The following ENKUR variants were observed in gnomAD, a reference collection of about 807,000 sequenced individuals.
The protein encoded by ENKUR is enkurin.
Under a neutral mutation model 27.6 loss-of-function variants are expected in ENKUR, and 19 were observed. That is an observed-to-expected ratio of 0.69 (90% CI 0.48 to 1.01). The LOEUF is 1.01. Ranked by LOEUF, ENKUR falls within the 50% of genes least tolerant of loss-of-function variation. ENKUR has a pLI of 0.00. For synonymous variants in ENKUR, 117 were observed against 96.9 expected (o/e 1.21, Z -1.22); for missense variants, 312 against 310.5 (o/e 1.00, Z -0.04).
intron 2 of ENKUR, among the ~76,000 whole-genome samples, chr10:25,051,687 G>A (rs771648945): frequency 9.8e-5 from 15 of 152,320 alleles, no homozygotes; most frequent in African/African-American, 2.9e-4. Flanking sequence ...ACAAGGCTCC[G>A]CCTCCGGTAC....
At chr10:25,060,677 G>C (rs767791674) in intron 2 of ENKUR, among the ~76,000 whole-genome samples, 6 of 152,082 alleles carry the variant, frequency 3.9e-5, no homozygotes, top group Non-Finnish European at 7.4e-5. Flanking sequence ...CCCCACCCAA[G>C]CAGTGCTAGG....
At chr10:25,010,370 G>C (rs1431197374) in intron 1 of ENKUR, among the ~76,000 whole-genome samples, 1 of 152,148 alleles carries the variant, frequency 6.6e-6, no homozygotes, top group Non-Finnish European at 1.5e-5. Context: ...CATTCAAGAG[G>C]TGACTTGAGT....
chr10:25,020,759 A>T (rs906735779), upstream of ENKUR, among the ~76,000 whole-genome samples: 2 of 151,520 alleles, frequency 1.3e-5, no homozygotes, highest in Non-Finnish European at 2.9e-5. Flanking sequence ...AAAAAAAATT[A>T]CTGCTCATGA....
chr10:25,025,366 C>G, intron 2 of ENKUR: 1 of 1,614,148 alleles, frequency 6.2e-7, no homozygotes. Flanking sequence ...AACAAAACAG[C>G]AAGAGAAGAT....
chr10:25,009,766 A>G (rs1850397735), intron 1 of ENKUR, among the ~76,000 whole-genome samples: 2 of 152,154 alleles, frequency 1.3e-5, no homozygotes, highest in African/African-American at 4.8e-5. Context: ...AATAAGTCAC[A>G]TAAGATCTGA....
At chr10:24,997,141 G>C (rs1393713954) in intron 2 of ENKUR, among the ~76,000 whole-genome samples, 1 of 152,162 alleles carries the variant, frequency 6.6e-6, no homozygotes, top group Non-Finnish European at 1.5e-5. Flanking sequence ...TTGAAGCCAG[G>C]AGTGTGAGGC....
At chr10:25,016,819 A>T (rs1308281410), upstream of ENKUR, 1 of 152,488 alleles carries the variant, frequency 6.6e-6, no homozygotes. Flanking sequence ...AGGAAGGAAA[A>T]CTAGAAGCCA....
Position 24,988,710 on chromosome 10 carries a change from A to ATG in ENKUR, c.594+1752_594+1753insCA, listed in dbSNP as rs1327713586. Reference sequence around the variant, plus strand: ...TATATATATATATATATATATATATATATATATATATATATATTCCTCATT... The same window carrying ATG: ...TATATATATATATATATATATATATATGTATATATATATATATATTCCTCATT... On this transcript the variant is annotated intron_variant, in intron 4 of 5. Coordinates refer to ENST00000331161, the MANE Select transcript of ENKUR (RefSeq NM_145010.4). Among the ~76,000 whole-genome samples the ATG allele has an allele frequency of 2.3e-3, 48 of 20,664 alleles. 1 individual carries two copies. The highest frequency in any genetic ancestry group is 0.01 in the African/African-American group (45 of 4,302). 13.6% of individuals were successfully genotyped at this position (20,664 alleles called of 152,430 possible).
At chr10:24,993,667 A>G (rs1849976553) in intron 3 of ENKUR, among the ~76,000 whole-genome samples, 1 of 152,256 alleles carries the variant, frequency 6.6e-6, no homozygotes. Context: ...AAGTAAATTG[A>G]GTAAGTCTTT....
exon 2 of ENKUR, chr10:25,061,150 C>T: frequency 6.5e-7 from 1 of 1,536,082 alleles, no homozygotes; most frequent in Non-Finnish European, 8.7e-7. Flanking sequence ...TGTCTTCATG[C>T]TCCGTGGTGA....
At chr10:25,023,150 TTTTG>T in intron 2 of ENKUR, 2 of 1,438,862 alleles carry the variant, frequency 1.4e-6, no homozygotes, top group East Asian at 4.6e-5. Context: ...TTTTGTTGTT[TTTTG>T]TTTGTTTTGT....
intron 2 of ENKUR, among the ~76,000 whole-genome samples, chr10:25,044,915 ATT>A (rs1242346469): frequency 6.6e-6 from 1 of 152,072 alleles, no homozygotes; most frequent in Non-Finnish European, 1.5e-5. Flanking sequence ...CCTTTATGGA[ATT>A]TCTCTCCTCA....
chr10:25,016,678 G>A (rs1850587726), upstream of ENKUR: 1 of 152,360 alleles, frequency 6.6e-6, no homozygotes, highest in Admixed American at 6.5e-5. Flanking sequence ...GGCGGGACCG[G>A]GGAGCTAGCT....
chr10:25,011,310 C>A (rs1389476394), intron 1 of ENKUR, among the ~76,000 whole-genome samples: 5 of 151,872 alleles, frequency 3.3e-5, no homozygotes, highest in East Asian at 3.9e-4. Flanking sequence ...TTTTCTTGTA[C>A]ATTTGTTTGA....
At chr10:25,040,250 G>A (rs901592096) in intron 2 of ENKUR, among the ~76,000 whole-genome samples, 8 of 152,090 alleles carry the variant, frequency 5.3e-5, no homozygotes, top group Non-Finnish European at 1.0e-4. Flanking sequence ...AAGGTGTGGG[G>A]AAACAGATTT....
rs943381553 is a variant in ENKUR at position 24,984,472 on chromosome 10, T to C, written c.765-96A>G. The stretch of plus-strand genomic sequence containing the variant: ...TTTATGTGAAACAAGTACATAATAA[T>C]AATGAATTACATTGTGGAACTGGAA... On this transcript the variant is annotated intron_variant, in intron 5 of 5. Coordinates refer to ENST00000331161, the MANE Select transcript of ENKUR (RefSeq NM_145010.4). 1.4e-5 allele frequency: 19 copies of C among 1,372,200 alleles called. No individual in the cohort carries two copies. In the East Asian group the frequency reaches 4.1e-4, roughly 30 times the overall value. The allele number at this position is 1,372,200 out of a possible 1,614,324, so 85.0% of individuals were successfully genotyped here.
intron 1 of ENKUR, among the ~76,000 whole-genome samples, chr10:25,011,570 A>G (rs1850444704): frequency 6.6e-6 from 1 of 152,202 alleles, no homozygotes. Context: ...TACACCTTAT[A>G]CAAAAATTAA....
chr10:25,014,074 C>G (rs1314928540), intron 1 of ENKUR, among the ~76,000 whole-genome samples: 1 of 152,152 alleles, frequency 6.6e-6, no homozygotes, highest in East Asian at 1.9e-4. Context: ...GCTTTCATAA[C>G]TTAAGTCTCA....
intron 2 of ENKUR, among the ~76,000 whole-genome samples, chr10:25,059,680 G>A (rs949909815): frequency 4.6e-5 from 7 of 152,188 alleles, no homozygotes; most frequent in Non-Finnish European, 1.0e-4. Context: ...TTAGGGCCAG[G>A]CATGGTGGCT....
Sources: allele counts gnomAD v4.1 joint callset (sites outside exome capture counted in the v4.1 genomes callset), GRCh38; gene constraint gnomAD v4.1.1; transcripts MANE v1.5; gene names NCBI Gene and HGNC (gene_info 2026-07-23, HGNC 2026-07-21).